The following ZC3H12B variants were observed in gnomAD, a reference collection of about 807,000 sequenced individuals.
The protein encoded by ZC3H12B is probable ribonuclease ZC3H12B.
In ZC3H12B, 7 loss-of-function variants were observed where a neutral mutation model predicts 43.9. The ratio of observed to expected loss-of-function variants is 0.16; its 90% confidence interval spans 0.09 to 0.30. ZC3H12B has a LOEUF of 0.30. ZC3H12B is among the 10% of genes least tolerant of loss of function. ZC3H12B has a pLI of 1.00. For missense variants in ZC3H12B, 475 were observed against 670.2 expected (o/e 0.71, Z 3.22); for synonymous variants, 222 against 241.7 (o/e 0.92, Z 0.76).
At chrX:65,170,167 G>T in the ZC3H12B span, among the ~76,000 whole-genome samples, 1 of 111,741 alleles carries the variant, frequency 8.9e-6, no homozygotes, top group Non-Finnish European at 1.9e-5. Flanking sequence ...TGCCGTGGCT[G>T]GTACCAATTG....
the ZC3H12B span, among the ~76,000 whole-genome samples, chrX:65,090,601 A>C: frequency 4.5e-5 from 5 of 111,720 alleles, no homozygotes; most frequent in African/African-American, 1.6e-4. Context: ...GGTTGGCTCC[A>C]GAAGATACCC....
the ZC3H12B span, among the ~76,000 whole-genome samples, chrX:65,251,246 G>A: frequency 1.8e-5 from 2 of 111,532 alleles, no homozygotes; most frequent in Non-Finnish European, 3.8e-5. Flanking sequence ...TCAGATGGTT[G>A]TAGATGTGTG....
the ZC3H12B span, among the ~76,000 whole-genome samples, chrX:65,159,931 C>T: frequency 2.0e-4 from 22 of 111,144 alleles, no homozygotes; most frequent in Admixed American, 1.3e-3. Flanking sequence ...TTTTGAGATA[C>T]GTCCCATCAA....
the ZC3H12B span, among the ~76,000 whole-genome samples, chrX:65,303,958 G>A: frequency 5.3e-5 from 6 of 112,483 alleles, no homozygotes; most frequent in African/African-American, 1.9e-4. Flanking sequence ...TAAAGTGTCA[G>A]TTTTACCCAA....
intron 3 of ZC3H12B, among the ~76,000 whole-genome samples, chrX:65,464,185 A>T (rs1345242189): frequency 8.9e-6 from 1 of 112,368 alleles, no homozygotes; most frequent in African/African-American, 3.2e-5. Context: ...GGATAAAATT[A>T]AAAGCATTTT....
At chrX:65,291,810 G>C in the ZC3H12B span, among the ~76,000 whole-genome samples, 1 of 112,176 alleles carries the variant, frequency 8.9e-6, no homozygotes, top group Non-Finnish European at 1.9e-5. Flanking sequence ...CAAAATAATA[G>C]TTTTTAAACA....
the ZC3H12B span, among the ~76,000 whole-genome samples, chrX:65,139,720 G>A: frequency 9.0e-6 from 1 of 111,472 alleles, no homozygotes; most frequent in African/African-American, 3.3e-5. Context: ...TATGAATACA[G>A]GATAGCTTTT....
chrX:65,276,675 C>T, the ZC3H12B span, among the ~76,000 whole-genome samples: 1 of 111,805 alleles, frequency 8.9e-6, no homozygotes, highest in African/African-American at 3.2e-5. Flanking sequence ...CACTACTAGA[C>T]TAGTTTTAAA....
the ZC3H12B span, among the ~76,000 whole-genome samples, chrX:65,054,945 G>A: frequency 8.9e-6 from 1 of 111,821 alleles, no homozygotes; most frequent in Non-Finnish European, 1.9e-5. Context: ...TTTGTATCCT[G>A]AGACTGCTGA....
intron 3 of ZC3H12B, among the ~76,000 whole-genome samples, chrX:65,412,323 G>A (rs2066913455): frequency 8.9e-6 from 1 of 111,890 alleles, no homozygotes; most frequent in African/African-American, 3.3e-5. Flanking sequence ...AGTACTTATA[G>A]CATGTGTCAG....
At chrX:65,317,343 C>A in the ZC3H12B span, among the ~76,000 whole-genome samples, 1 of 110,175 alleles carries the variant, frequency 9.1e-6, no homozygotes, top group Non-Finnish European at 1.9e-5. Flanking sequence ...TGCTGAACTG[C>A]ATACAATTAC....
At chrX:65,083,144 C>T in the ZC3H12B span, among the ~76,000 whole-genome samples, 2 of 111,241 alleles carry the variant, frequency 1.8e-5, no homozygotes, top group East Asian at 5.6e-4. Flanking sequence ...GACAGACCCA[C>T]AGCTGGTTTC....
the ZC3H12B span, among the ~76,000 whole-genome samples, chrX:65,249,947 T>C: frequency 9.0e-5 from 10 of 110,637 alleles, no homozygotes; most frequent in Non-Finnish European, 3.8e-5. Flanking sequence ...GAATTCTTTT[T>C]TTTATTATAC....
chrX:65,309,167 A>AC, the ZC3H12B span, among the ~76,000 whole-genome samples: 471 of 74,036 alleles, frequency 6.4e-3, 5 homozygotes, highest in African/African-American at 0.15. Flanking sequence ...CTAGAAACAC[A>AC]AAAAAAAAAA....
chrX:65,051,640 A>G, the ZC3H12B span, among the ~76,000 whole-genome samples: 3 of 112,046 alleles, frequency 2.7e-5, no homozygotes, highest in Non-Finnish European at 5.6e-5. Context: ...TAACAATAGG[A>G]ACAAATTAAA....
intron 2 of ZC3H12B, among the ~76,000 whole-genome samples, chrX:65,388,480 A>G (rs2066562936): frequency 1.8e-5 from 2 of 111,816 alleles, no homozygotes; most frequent in African/African-American, 3.3e-5. Context: ...GTGCCTTGGT[A>G]TTCAGCTCCA....
the ZC3H12B span, among the ~76,000 whole-genome samples, chrX:65,116,039 G>A: frequency 3.6e-5 from 4 of 111,593 alleles, no homozygotes; most frequent in Non-Finnish European, 7.5e-5. Context: ...CTGTGCAGAA[G>A]CTTTTTAGTT....
chrX:65,268,444 A>C, the ZC3H12B span, among the ~76,000 whole-genome samples: 2 of 112,024 alleles, frequency 1.8e-5, no homozygotes, highest in Admixed American at 1.9e-4. Flanking sequence ...CTAAACCAAA[A>C]AAAGACACCA....
At chrX:65,064,507 G>A in the ZC3H12B span, among the ~76,000 whole-genome samples, 1 of 112,064 alleles carries the variant, frequency 8.9e-6, no homozygotes, top group Non-Finnish European at 1.9e-5. Context: ...TTGCACTATG[G>A]TCTGAGAGAC....
Sources: allele counts gnomAD v4.1 joint callset (sites outside exome capture counted in the v4.1 genomes callset), GRCh38; gene constraint gnomAD v4.1.1; transcripts MANE v1.5; gene names NCBI Gene and HGNC (gene_info 2026-07-23, HGNC 2026-07-21).